AKAP13: variants seen among roughly 807,000 people sequenced by gnomAD.
AKAP13 encodes A-kinase anchor protein 13.
A neutral mutation model predicts 264.5 loss-of-function variants in AKAP13; 80 were observed. The ratio of observed to expected loss-of-function variants is 0.30; its 90% CI spans 0.25 to 0.36. The LOEUF is 0.36. Among genes scored for constraint, AKAP13 ranks in the 10% least tolerant of loss-of-function variants. The pLI is 1.00. For synonymous variants in AKAP13, 1,380 were observed against 1,250.2 expected, an observed-to-expected ratio of 1.10 and a Z score of -2.19; for missense variants, 3,712 against 3,435.2, an observed-to-expected ratio of 1.08 and a Z score of -2.01.
At chr15:85,678,637 G>A (rs982201106) in intron 14 of AKAP13, among the ~76,000 whole-genome samples, 9 of 152,132 alleles carry the variant, frequency 5.9e-5, no homozygotes, top group East Asian at 5.8e-4. Context: ...CGAGGCGGGC[G>A]GATCACTTGA....
chr15:85,465,454 A>G (rs368171601), intron 1 of AKAP13, among the ~76,000 whole-genome samples: 11,190 of 143,620 alleles, frequency 0.078, 832 homozygotes, highest in Admixed American at 0.25. Flanking sequence ...GCACCCATTA[A>G]CTCGTCATTT....
At position 85,727,015 on chromosome 15, in the gene AKAP13, A is replaced by T. The variant is rs151100120; in HGVS notation, c.6823-51A>T. 1.3e-4 allele frequency: 200 copies of T among 1,598,734 alleles called. 1 individual carries two copies. The East Asian group carries it at 4.3e-3, about 34-fold the overall frequency. ...ACCTTAGATTGAAGCTGTCCTTCAGAGTTAGAATATTGTATATGTATCTTT... is the reference window on the plus strand; with the variant it reads ...ACCTTAGATTGAAGCTGTCCTTCAGTGTTAGAATATTGTATATGTATCTTT... On this transcript the variant is annotated intron_variant, in intron 27 of 36. Transcript: ENST00000394518. This position sits in a 1 kb window ranked among gnomAD's most constrained non-coding sequence, Gnocchi z 5.3.
At chr15:85,720,270 G>C (rs899994152) in intron 23 of AKAP13, among the ~76,000 whole-genome samples, 1 of 108,870 alleles carries the variant, frequency 9.2e-6, no homozygotes, top group Admixed American at 8.3e-5. Context: ...CTGTGTGTGT[G>C]TGTGTGTGTG....
chr15:85,500,022 C>T (rs1467118521), intron 2 of AKAP13, among the ~76,000 whole-genome samples: 5 of 152,000 alleles, frequency 3.3e-5, no homozygotes, highest in African/African-American at 1.2e-4. Context: ...AGGGTGTTGC[C>T]TCATACATGG....
In AKAP13 at chr15:85,746,691, A is replaced by G. The variant is rs1044256344; in HGVS notation, c.*2014A>G. ...AAGTTTCTTTCTTTCACCTATTTGT[A>G]CAACTCCAAGTTACAGCTGAATCTG... On this transcript the variant is annotated 3_prime_UTR_variant, in exon 37 of 37. Transcript: ENST00000394518. 6 of 152,214 alleles carry G rather than the reference A, an allele frequency of 3.9e-5. No homozygotes were observed. Among genetic ancestry groups the G allele is most frequent in the Non-Finnish European group, 7.3e-5 (5 of 68,040 alleles). 9.4% of individuals were successfully genotyped at this position (152,214 alleles called of 1,614,324 possible).
chr15:85,566,903 C>CA, intron 5 of AKAP13, among the ~76,000 whole-genome samples: 1 of 152,010 alleles, frequency 6.6e-6, no homozygotes. Context: ...GCTGGGATTA[C>CA]AGACGTGAGC....
intron 8 of AKAP13, among the ~76,000 whole-genome samples, chr15:85,612,806 AGAGTGAGACCCTGTCTCAC>A: frequency 6.7e-6 from 1 of 148,354 alleles, no homozygotes; most frequent in Non-Finnish European, 1.5e-5. Context: ...TCTGGGCAAC[AGAGTGAGACCCTGTCTCAC>A]AAAAAAAAAA....
chr15:85,620,347 A>G (rs182080512), intron 8 of AKAP13, among the ~76,000 whole-genome samples: 7 of 152,196 alleles, frequency 4.6e-5, no homozygotes, highest in South Asian at 2.1e-4. Flanking sequence ...ACAGGAAGCA[A>G]TAGGTGCTTG....
intron 5 of AKAP13, among the ~76,000 whole-genome samples, chr15:85,558,873 C>T (rs996156171): frequency 4.6e-5 from 7 of 151,966 alleles, no homozygotes; most frequent in African/African-American, 1.7e-4. Context: ...TTTTGCCCCA[C>T]GAGAAAGCTA....
intron 1 of AKAP13, among the ~76,000 whole-genome samples, chr15:85,463,029 A>C (rs1223531557): frequency 6.7e-6 from 1 of 150,062 alleles, no homozygotes; most frequent in African/African-American, 2.4e-5. Context: ...GTCTCAAAAA[A>C]AAAAAAAAAA....
chr15:85,414,907 A>G (rs1287824450), intron 1 of AKAP13, among the ~76,000 whole-genome samples: 2 of 150,996 alleles, frequency 1.3e-5, no homozygotes, highest in African/African-American at 4.8e-5. Flanking sequence ...GTTTTCTAAA[A>G]TGGATTCTGG....
intron 29 of AKAP13, among the ~76,000 whole-genome samples, chr15:85,728,887 A>T (rs1244206279): frequency 1.3e-5 from 2 of 152,078 alleles, no homozygotes; most frequent in Admixed American, 6.5e-5. Flanking sequence ...GATAGTTAGG[A>T]GAGTTGCTTG....
intron 8 of AKAP13, among the ~76,000 whole-genome samples, chr15:85,593,531 AT>A (rs34359285): frequency 1.9e-3 from 281 of 145,786 alleles, no homozygotes; most frequent in South Asian, 3.9e-3. Context: ...CCATGTGGGA[AT>A]TTTTTTTTTT....
intron 1 of AKAP13, among the ~76,000 whole-genome samples, chr15:85,384,493 G>T (rs2093166706): frequency 6.6e-6 from 1 of 152,086 alleles, no homozygotes; most frequent in South Asian, 2.1e-4. Context: ...GAGGCGGGCG[G>T]ATCACTTGAG....
intron 1 of AKAP13, among the ~76,000 whole-genome samples, chr15:85,438,980 A>C (rs1300833712): frequency 1.4e-5 from 2 of 145,294 alleles, no homozygotes; most frequent in Non-Finnish European, 3.0e-5. Flanking sequence ...GATCTAATTA[A>C]ACTAAAGAGC....
intron 8 of AKAP13, among the ~76,000 whole-genome samples, chr15:85,593,996 T>A (rs1485227094): frequency 6.6e-6 from 1 of 152,226 alleles, no homozygotes; most frequent in East Asian, 1.9e-4. Context: ...TTGTATTAAC[T>A]AGAGTTAGGA....
At chr15:85,690,073 C>T (rs1367614631) in intron 16 of AKAP13, 1 of 152,220 alleles carries the variant, frequency 6.6e-6, no homozygotes, top group Non-Finnish European at 1.5e-5. Context: ...CCCCACATAA[C>T]AGTGAGATTC....
At chr15:85,407,114 G>T (rs2071703528) in intron 1 of AKAP13, among the ~76,000 whole-genome samples, 1 of 151,740 alleles carries the variant, frequency 6.6e-6, no homozygotes, top group Non-Finnish European at 1.5e-5. Context: ...GATAATTGGG[G>T]TATAGTGAGA....
rs1425640939 is a variant in AKAP13, at chr15:85,724,212, TGCC to T, written c.6745+893_6745+895del. On this transcript the variant is annotated intron_variant, in intron 26 of 36. Coordinates refer to ENST00000394518, the MANE Select transcript of AKAP13 (RefSeq NM_007200.5). The surrounding 1 kb of genome is among the most constrained non-coding windows in gnomAD (Gnocchi z 4.2). Reference sequence around the variant, plus strand: ...TGATGTAGATAACTGCTATAGGAAATGCCCACGCATAGAACAAATGGTAAAGAA... The same window carrying T: ...TGATGTAGATAACTGCTATAGGAAATCACGCATAGAACAAATGGTAAAGAA... 2.6e-5 allele frequency among the ~76,000 whole-genome samples: 4 copies of T among 152,194 alleles called. No homozygotes were observed. The East Asian group carries it at 7.7e-4, about 29-fold the overall frequency.
Sources: allele counts gnomAD v4.1 joint callset (sites outside exome capture counted in the v4.1 genomes callset), GRCh38; gene constraint gnomAD v4.1.1; non-coding constraint Gnocchi (gnomAD v3.1); transcripts MANE v1.5; gene names NCBI Gene and HGNC (gene_info 2026-07-23, HGNC 2026-07-21).